The following ASCC3 variants were observed in gnomAD, a reference collection of about 807,000 sequenced individuals.
ASCC3 encodes the protein activating signal cointegrator 1 complex subunit 3.
Under a neutral mutation model 256.3 loss-of-function variants are expected in ASCC3, and 158 were observed. That is an observed-to-expected ratio of 0.62 (90% confidence interval 0.54 to 0.70). The LOEUF is 0.70. Ranked by LOEUF, ASCC3 falls within the 30% of genes least tolerant of loss-of-function variation. The pLI, the probability that ASCC3 is intolerant of heterozygous loss-of-function variation, is 0.00. For missense variants in ASCC3, 2,259 were observed against 2,626.0 expected (o/e 0.86, Z 3.05); for synonymous variants, 948 against 883.4 (o/e 1.07, Z -1.30).
At chr6:100,710,390 T>A (rs1411465980) in intron 13 of ASCC3, among the ~76,000 whole-genome samples, 1 of 152,140 alleles carries the variant, frequency 6.6e-6, no homozygotes, top group Admixed American at 6.5e-5. Context: ...GGGTATCCCA[T>A]CCAAGTCTAT....
intron 40 of ASCC3, among the ~76,000 whole-genome samples, chr6:100,511,864 T>C (rs1300047711): frequency 6.6e-6 from 1 of 152,152 alleles, no homozygotes; most frequent in African/African-American, 2.4e-5. Flanking sequence ...AAGTTACTGA[T>C]CATTTTGTGT....
At chr6:100,637,232 A>G (rs7748587) in intron 25 of ASCC3, among the ~76,000 whole-genome samples, 2,138 of 152,282 alleles carry the variant, frequency 0.014, 40 homozygotes, top group African/African-American at 0.049. Flanking sequence ...AGGGTCCTTA[A>G]GAATTATGCT....
At chr6:100,637,971 T>A (rs1438934721) in intron 25 of ASCC3, among the ~76,000 whole-genome samples, 1 of 152,150 alleles carries the variant, frequency 6.6e-6, no homozygotes, top group African/African-American at 2.4e-5. Flanking sequence ...ATAAACTTAG[T>A]TCAGAAAGCA....
At chr6:100,617,751 T>G (rs779553012) in intron 30 of ASCC3, among the ~76,000 whole-genome samples, 3 of 152,192 alleles carry the variant, frequency 2.0e-5, no homozygotes, top group Admixed American at 6.5e-5. Context: ...TTCTACAGTG[T>G]TTTAGGACAC....
intron 4 of ASCC3, among the ~76,000 whole-genome samples, chr6:100,812,495 TA>T (rs959810107): frequency 3.7e-4 from 54 of 144,774 alleles, no homozygotes; most frequent in Non-Finnish European, 4.7e-4. Flanking sequence ...GATAGCACTT[TA>T]AAAAAAAAAA....
intron 14 of ASCC3, among the ~76,000 whole-genome samples, chr6:100,670,980 T>A (rs1776716446): frequency 6.6e-6 from 1 of 151,996 alleles, no homozygotes; most frequent in Admixed American, 6.6e-5. Context: ...ATTATACAGT[T>A]GCAAAAAGAA....
intron 37 of ASCC3, among the ~76,000 whole-genome samples, chr6:100,536,774 A>C (rs1020010628): frequency 2.6e-5 from 4 of 152,146 alleles, no homozygotes; most frequent in Non-Finnish European, 5.9e-5. Context: ...TCCAGATTTT[A>C]GTTTCTACAA....
intron 29 of ASCC3, among the ~76,000 whole-genome samples, 170 bp downstream of exon 29, chr6:100,627,420 A>AT (rs1774296467): frequency 6.6e-6 from 1 of 152,166 alleles, no homozygotes; most frequent in Non-Finnish European, 1.5e-5. Context: ...AATCTTCACT[A>AT]GGTAATTTAA....
intron 10 of ASCC3, among the ~76,000 whole-genome samples, chr6:100,732,960 T>G (rs1006188582): frequency 6.6e-6 from 1 of 152,030 alleles, no homozygotes; most frequent in Admixed American, 6.6e-5. Context: ...ACTAACAACA[T>G]TAGAAAAAAG....
chr6:100,830,667 A>G lies in ASCC3; in HGVS notation c.801+17481T>C, dbSNP rs73506919. Among the ~76,000 whole-genome samples, 403 of 152,296 alleles carry G rather than the reference A, an allele frequency of 2.6e-3. 2 individuals carry two copies. The highest frequency in any genetic ancestry group is 8.6e-3 in the African/African-American group (356 of 41,572). ...TTTGTAAAAAAACAAAAACGAAAAC[A>G]TAGCATTTATCAAGGAATCAATCTT... is the stretch of plus-strand genomic sequence containing the variant. On this transcript the variant is annotated intron_variant, in intron 4 of 41. Transcript: ENST00000369162.
In ASCC3 at chr6:100,518,100, C is replaced by G; in HGVS notation, c.5818G>C (p.Val1940Leu). The G allele has an allele frequency of 1.2e-6, 2 of 1,613,638 alleles. No homozygotes were observed. Among genetic ancestry groups the G allele is most frequent in the Admixed American group, 1.7e-5 (1 of 59,936 alleles). Reference protein sequence around the residue: ...VAANQGWLVTVLNITNLIQMV... With the variant: ...VAANQGWLVTLLNITNLIQMV... ...TGAATCAGGTTGGTGATATTCAGGA[C>G]AGTCACCAGCCAGCCCTGGTTTGCA... Residue 1940 changes from valine to leucine, a missense_variant, in exon 38 of 42, where the codon GTC (valine) becomes CTC (leucine). By Grantham distance (32) the Val-to-Leu change is conservative. Around this residue, in one of 2 missense-constraint regions of ASCC3, gnomAD observed 1,839 missense variants for 2,206.7 expected, o/e 0.83. Transcript: ENST00000369162.
intron 10 of ASCC3, among the ~76,000 whole-genome samples, chr6:100,733,589 C>A (rs1219400372): frequency 6.6e-6 from 1 of 152,096 alleles, no homozygotes; most frequent in Non-Finnish European, 1.5e-5. Context: ...AATTATGAGC[C>A]AAATAAATAC....
chr6:100,610,310 A>G (rs568889295), intron 30 of ASCC3, among the ~76,000 whole-genome samples: 1 of 152,288 alleles, frequency 6.6e-6, no homozygotes, highest in South Asian at 2.1e-4. Flanking sequence ...GTAGATCACA[A>G]AATCCTCAGC....
chr6:100,704,182 C>T (rs1190250662), intron 13 of ASCC3, among the ~76,000 whole-genome samples: 2 of 151,718 alleles, frequency 1.3e-5, no homozygotes, highest in Non-Finnish European at 2.9e-5. Context: ...TTAAAAAACA[C>T]CTGAAATATT....
intron 3 of ASCC3, among the ~76,000 whole-genome samples, chr6:100,851,726 A>T (rs13193416): frequency 0.35 from 52,958 of 152,092 alleles, 10,815 homozygotes; most frequent in Middle Eastern, 0.49. Context: ...TTCATACCAC[A>T]GAACAGTTTT....
intron 4 of ASCC3, among the ~76,000 whole-genome samples, chr6:100,842,763 G>A (rs1377464064): frequency 6.6e-6 from 1 of 152,112 alleles, no homozygotes; most frequent in Non-Finnish European, 1.5e-5. Flanking sequence ...TTGAGGCCAG[G>A]AATTCATGAC....
intron 37 of ASCC3, among the ~76,000 whole-genome samples, chr6:100,536,745 T>C (rs1400725981): frequency 2.6e-5 from 4 of 152,128 alleles, no homozygotes; most frequent in African/African-American, 9.7e-5. Flanking sequence ...AGATTAAAGG[T>C]ATGAACTGCC....
intron 36 of ASCC3, among the ~76,000 whole-genome samples, chr6:100,552,523 T>A (rs962398823): frequency 2.6e-5 from 4 of 152,020 alleles, no homozygotes; most frequent in Non-Finnish European, 5.9e-5. Context: ...AGAAATTGTA[T>A]CCTCTTGAAC....
intron 16 of ASCC3, among the ~76,000 whole-genome samples, chr6:100,656,915 C>T (rs1775940113): frequency 6.6e-6 from 1 of 150,614 alleles, no homozygotes; most frequent in African/African-American, 2.4e-5. Context: ...ATGTTCCCTA[C>T]CTAAATTATT....
Sources: gnomAD v4.1 joint callset for allele counts (sites outside exome capture counted in the v4.1 genomes callset) on GRCh38, gnomAD v4.1.1 for gene constraint, gnomAD v4.1.1 regional missense constraint, MANE v1.5 for transcripts, NCBI Gene and HGNC (gene_info 2026-07-23, HGNC 2026-07-21) for gene names.